Variants in KCNH8 observed in about 807,000 individuals in gnomAD.
The protein encoded by KCNH8 is potassium voltage-gated channel subfamily H member 8, also known as voltage-gated delayed rectifier potassium channel KCNH8.
A neutral mutation model predicts 103.6 loss-of-function variants in KCNH8; 70 were observed. That is an observed-to-expected ratio of 0.68 (90% CI 0.56 to 0.82). The LOEUF (loss-of-function observed/expected upper bound fraction) is 0.82, where lower values mean the gene tolerates loss of function less well. KCNH8 is among the 40% of genes least tolerant of loss of function. The pLI is 0.00. For synonymous variants in KCNH8, 498 were observed against 489.4 expected, an observed-to-expected ratio of 1.02 and a Z score of -0.23; for missense variants, 1,217 against 1,329.9, an observed-to-expected ratio of 0.92 and a Z score of 1.32.
intron 1 of KCNH8, among the ~76,000 whole-genome samples, chr3:19,156,149 T>C (rs764911733): frequency 6.6e-6 from 1 of 152,192 alleles, no homozygotes; most frequent in Non-Finnish European, 1.5e-5. Context: ...TTACAAACTC[T>C]AGTGATAATA....
chr3:19,175,680 T>C (rs1000959181), intron 1 of KCNH8, among the ~76,000 whole-genome samples: 27 of 152,248 alleles, frequency 1.8e-4, no homozygotes, highest in Admixed American at 1.4e-3. Flanking sequence ...CTAGTTCTTA[T>C]ACACTTCCTT....
At chr3:19,180,027 A>C (rs1035341128) in intron 1 of KCNH8, among the ~76,000 whole-genome samples, 3 of 152,196 alleles carry the variant, frequency 2.0e-5, no homozygotes, top group Non-Finnish European at 4.4e-5. Flanking sequence ...TTTTGTACCA[A>C]GAAGTTTTCT....
intron 2 of KCNH8, among the ~76,000 whole-genome samples, chr3:19,280,329 A>G (rs113426117): frequency 1.1e-3 from 170 of 152,202 alleles, no homozygotes; most frequent in African/African-American, 3.9e-3. Flanking sequence ...ACATGTAAGC[A>G]TTTAAGAACT....
rs1400639267 is a variant in KCNH8 at position 19,451,217 on chromosome 3, C to G, written c.1638C>G (p.Ile546Met). ...SDITMHLNKE[I>M]LQLSLFECAS... is the part of the protein sequence containing the mutation. ...TCACTATGCACTTGAACAAGGAGAT[C>G]TTACAGTTGTCCCTTTTTGAATGTG... The change falls in exon 10 of 16, where the codon ATC (isoleucine) becomes ATG (methionine). Residue 546 changes from isoleucine (I) to methionine (M), a missense_variant. Around this residue, in one of 3 missense-constraint regions of KCNH8, gnomAD observed 415 missense variants for 577.4 expected, o/e 0.72. Coordinates refer to ENST00000328405, the MANE Select transcript of KCNH8 (RefSeq NM_144633.3). 1.2e-6 allele frequency: 2 copies of G among 1,613,662 alleles called. No individual in the cohort carries two copies. Among genetic ancestry groups the G allele is most frequent in the Non-Finnish European group, 1.7e-6 (2 of 1,179,726 alleles).
intron 5 of KCNH8, among the ~76,000 whole-genome samples, chr3:19,377,020 C>G (rs1432010122): frequency 6.6e-6 from 1 of 152,074 alleles, no homozygotes; most frequent in African/African-American, 2.4e-5. Context: ...GACAGAATGT[C>G]CTTTATTGTG....
chr3:19,252,394 T>A (rs1249233762), intron 1 of KCNH8, among the ~76,000 whole-genome samples: 2 of 152,102 alleles, frequency 1.3e-5, no homozygotes, highest in African/African-American at 4.8e-5. Context: ...GCACTCTTTT[T>A]TTTTTTCTTT....
intron 7 of KCNH8, among the ~76,000 whole-genome samples, chr3:19,401,184 T>G (rs1285783425): frequency 2.0e-5 from 3 of 151,938 alleles, no homozygotes; most frequent in Admixed American, 2.0e-4. Context: ...CCCTCCTTTT[T>G]TAAACAAACT....
intron 1 of KCNH8, among the ~76,000 whole-genome samples, chr3:19,233,652 G>C (rs1005726358): frequency 3.3e-5 from 5 of 152,206 alleles, no homozygotes; most frequent in Admixed American, 2.6e-4. Flanking sequence ...GTGTGGAGTT[G>C]GCTTGTTCTC....
At chr3:19,257,557 A>G (rs1302131692) in intron 2 of KCNH8, among the ~76,000 whole-genome samples, 1 of 152,086 alleles carries the variant, frequency 6.6e-6, no homozygotes, top group African/African-American at 2.4e-5. Flanking sequence ...GATTGGATGT[A>G]CCAGCCTTAG....
intron 1 of KCNH8, among the ~76,000 whole-genome samples, chr3:19,230,845 C>T (rs1234133666): frequency 6.6e-6 from 1 of 152,120 alleles, no homozygotes; most frequent in African/African-American, 2.4e-5. Flanking sequence ...TTTCGTTCTT[C>T]GGAACGCAAA....
At chr3:19,295,277 A>T (rs184944965) in intron 3 of KCNH8, among the ~76,000 whole-genome samples, 1 of 151,910 alleles carries the variant, frequency 6.6e-6, no homozygotes, top group East Asian at 1.9e-4. Context: ...CCAGTTACTC[A>T]GGGAGCTCAG....
At chr3:19,279,976 C>CT (rs1188449133) in intron 2 of KCNH8, among the ~76,000 whole-genome samples, 1 of 152,052 alleles carries the variant, frequency 6.6e-6, no homozygotes, top group Non-Finnish European at 1.5e-5. Context: ...GTATTGAAGT[C>CT]TTTTTCCCCT....
Position 19,462,297 on chromosome 3 carries a change from A to C in KCNH8, c.2040+5315A>C, listed in dbSNP as rs2067647136. 2.6e-5 allele frequency among the ~76,000 whole-genome samples: 4 copies of C among 151,990 alleles called. No individual in the cohort carries two copies. In the South Asian group the frequency reaches 8.3e-4, roughly 31 times the overall value. ...TTCCTATTTCTCCATATCCTCTCCA[A>C]CATCTGTTGTTTCCTGACTTTTTAA... On this transcript the variant is annotated intron_variant, in intron 11 of 15. Coordinates refer to ENST00000328405, the MANE Select transcript of KCNH8 (RefSeq NM_144633.3).
chr3:19,179,408 C>A (rs1426132411), intron 1 of KCNH8, among the ~76,000 whole-genome samples: 1 of 151,976 alleles, frequency 6.6e-6, no homozygotes, highest in African/African-American at 2.4e-5. Context: ...AGTTATGATC[C>A]GTTTTTGTTG....
intron 5 of KCNH8, among the ~76,000 whole-genome samples, chr3:19,365,477 A>G (rs1320120083): frequency 6.7e-6 from 1 of 148,314 alleles, no homozygotes; most frequent in Admixed American, 6.8e-5. Flanking sequence ...CCATCATATA[A>G]TGATTATTTA....
chr3:19,443,061 A>G lies in KCNH8; in HGVS notation c.1375+4700A>G, dbSNP rs547914996. Among the ~76,000 whole-genome samples, 23 of 151,914 alleles carry G rather than the reference A, an allele frequency of 1.5e-4. No homozygotes were observed. The South Asian group carries it at 4.6e-3, about 30-fold the overall frequency. ...TTGTTTACTTAATTTTTATAAATAT[A>G]AACAAATAATTTATTTTTAAAAAGA... On this transcript the variant is annotated intron_variant, in intron 8 of 15. Transcript: ENST00000328405.
intron 3 of KCNH8, among the ~76,000 whole-genome samples, chr3:19,328,027 C>T (rs1038200880): frequency 2.0e-5 from 3 of 152,134 alleles, no homozygotes; most frequent in African/African-American, 7.2e-5. Context: ...GTCTCTCTCT[C>T]TGTCTCATTT....
intron 3 of KCNH8, among the ~76,000 whole-genome samples, chr3:19,294,411 GA>G (rs1284447654): frequency 6.6e-6 from 1 of 151,986 alleles, no homozygotes; most frequent in East Asian, 1.9e-4. Context: ...TTGCATAATG[GA>G]AAAAAACACA....
intron 3 of KCNH8, among the ~76,000 whole-genome samples, chr3:19,324,737 G>T (rs1338323080): frequency 6.6e-6 from 1 of 152,010 alleles, no homozygotes; most frequent in Non-Finnish European, 1.5e-5. Flanking sequence ...AACAATCAAT[G>T]TAATTAAAAT....
Sources: allele counts gnomAD v4.1 joint callset (sites outside exome capture counted in the v4.1 genomes callset), GRCh38; gene constraint gnomAD v4.1.1; regional missense constraint gnomAD v4.1.1; transcripts MANE v1.5; gene names NCBI Gene and HGNC (gene_info 2026-07-23, HGNC 2026-07-21).